STAC: variants seen among roughly 807,000 people sequenced by gnomAD.
STAC encodes SH3 and cysteine rich domain.
In STAC, 43 loss-of-function variants were observed where a neutral mutation model predicts 48.8. The ratio of observed to expected loss-of-function variants is 0.88; its 90% CI spans 0.69 to 1.14. The LOEUF is 1.14. Ranked by LOEUF, STAC falls within the 50% of genes most tolerant of loss-of-function variation. The probability of loss-of-function intolerance (pLI) is 0.00; values close to 1 mark genes in which losing one functional copy is unlikely to be tolerated. For missense variants in STAC, 497 were observed against 504.0 expected (o/e 0.99, Z 0.13); for synonymous variants, 193 against 179.5 (o/e 1.07, Z -0.60).
At chr3:36,412,758 G>T (rs1700225490) in intron 1 of STAC, among the ~76,000 whole-genome samples, 1 of 152,112 alleles carries the variant, frequency 6.6e-6, no homozygotes, top group Non-Finnish European at 1.5e-5. Flanking sequence ...CAATTCCATT[G>T]ATATATATGG....
At chr3:36,446,617 C>T (rs932512432) in intron 2 of STAC, among the ~76,000 whole-genome samples, 3 of 152,192 alleles carry the variant, frequency 2.0e-5, no homozygotes, top group South Asian at 2.1e-4. Context: ...ATCTGCATCT[C>T]ACTGAAATTT....
intron 1 of STAC, among the ~76,000 whole-genome samples, chr3:36,404,908 ATTCT>A (rs1342333321): frequency 1.3e-5 from 2 of 152,146 alleles, no homozygotes; most frequent in African/African-American, 2.4e-5. Flanking sequence ...GCTATTATAT[ATTCT>A]TTATTATAAA....
At chr3:36,414,550 A>T (rs984568963) in intron 1 of STAC, among the ~76,000 whole-genome samples, 1 of 151,926 alleles carries the variant, frequency 6.6e-6, no homozygotes, top group African/African-American at 2.4e-5. Flanking sequence ...ACTCCTCTGC[A>T]TTGGTTATTC....
chr3:36,470,369 G>A (rs1043523736), intron 2 of STAC, among the ~76,000 whole-genome samples: 2 of 152,228 alleles, frequency 1.3e-5, no homozygotes, highest in African/African-American at 4.8e-5. Context: ...GAGCTACCAG[G>A]CTCCAAGCTG....
At chr3:36,542,002 G>A (rs1314578313) in intron 10 of STAC, among the ~76,000 whole-genome samples, 1 of 151,840 alleles carries the variant, frequency 6.6e-6, no homozygotes, top group Non-Finnish European at 1.5e-5. Flanking sequence ...GAGGGAGGAA[G>A]GATGGAGAGA....
At chr3:36,488,388 CCT>C (rs1697873114) in intron 5 of STAC, among the ~76,000 whole-genome samples, 1 of 152,176 alleles carries the variant, frequency 6.6e-6, no homozygotes, top group South Asian at 2.1e-4. Flanking sequence ...GTTAGAAACC[CCT>C]GACTTACTCG....
At chr3:36,432,384 T>C (rs1011150125) in intron 1 of STAC, among the ~76,000 whole-genome samples, 2 of 152,156 alleles carry the variant, frequency 1.3e-5, no homozygotes, top group Admixed American at 6.5e-5. Context: ...CTCCTCTATC[T>C]CTGCACACAA....
In STAC at chr3:36,443,212, T is replaced by C; in HGVS notation, c.112-152T>C. 1.1e-6 allele frequency: 1 copy of C among 884,250 alleles called. No homozygotes were observed. Among genetic ancestry groups the C allele is most frequent in the Non-Finnish European group, 1.7e-6 (1 of 588,616 alleles). The allele number at this position is 884,250 out of a possible 1,614,324, so 54.8% of individuals were successfully genotyped here. ...ATTCCCTCTTTACTAGGCACTGCCA[T>C]CACCCCACCCACACAGGGACATTTA... is the stretch of plus-strand genomic sequence containing the variant. On this transcript the variant is annotated intron_variant, in intron 1 of 10. Transcript: ENST00000273183. This position sits in a 1 kb window ranked among gnomAD's most constrained non-coding sequence, Gnocchi z 4.2.
intron 2 of STAC, among the ~76,000 whole-genome samples, chr3:36,476,027 G>A (rs963520335): frequency 6.6e-6 from 1 of 152,230 alleles, no homozygotes; most frequent in Non-Finnish European, 1.5e-5. Context: ...TGAACCTGGT[G>A]GTCATGCAGG....
intron 10 of STAC, among the ~76,000 whole-genome samples, chr3:36,531,719 C>A (rs1699070325): frequency 6.6e-6 from 1 of 152,084 alleles, no homozygotes; most frequent in Admixed American, 6.6e-5. Context: ...TGGCCCGATT[C>A]CCTCCCAGAA....
At chr3:36,404,625 T>C (rs1339041013) in intron 1 of STAC, among the ~76,000 whole-genome samples, 1 of 152,186 alleles carries the variant, frequency 6.6e-6, no homozygotes, top group African/African-American at 2.4e-5. Context: ...TACAATATAC[T>C]ATATCCCACA....
chr3:36,391,544 C>CAGCTGTCACCCCGTTTT (rs1454684492), intron 1 of STAC, among the ~76,000 whole-genome samples: 1 of 152,168 alleles, frequency 6.6e-6, no homozygotes, highest in Non-Finnish European at 1.5e-5. Flanking sequence ...ATTCTTGATT[C>CAGCTGTCACCCCGTTTT]AGCTGTCACC....
At chr3:36,486,111 A>G (rs754866805) in intron 4 of STAC, 23 bp from the exon 5 acceptor site, 13 of 1,595,548 alleles carry the variant, frequency 8.1e-6, no homozygotes, top group Non-Finnish European at 1.1e-5. Flanking sequence ...GCTTCCTCAG[A>G]TGAACTTTCT....
chr3:36,485,484 T>C (rs1697780369), intron 4 of STAC, among the ~76,000 whole-genome samples: 1 of 152,224 alleles, frequency 6.6e-6, no homozygotes, highest in Non-Finnish European at 1.5e-5. Context: ...AAAAAATAAA[T>C]ATAGGTTATT....
At chr3:36,383,180 T>C (rs909712846) in intron 1 of STAC, among the ~76,000 whole-genome samples, 1 of 152,318 alleles carries the variant, frequency 6.6e-6, no homozygotes, top group Non-Finnish European at 1.5e-5. Flanking sequence ...TGTTTATATA[T>C]TTACATAGTT....
chr3:36,413,766 G>C (rs1388395073), intron 1 of STAC, among the ~76,000 whole-genome samples: 2 of 152,172 alleles, frequency 1.3e-5, no homozygotes, highest in African/African-American at 4.8e-5. Flanking sequence ...TTTCTTCCTA[G>C]CATCAATAGT....
At chr3:36,436,559 A>G (rs73065721) in intron 1 of STAC, among the ~76,000 whole-genome samples, 3,550 of 152,264 alleles carry the variant, frequency 0.023, 60 homozygotes, top group East Asian at 0.026. Context: ...ACTGCCCACA[A>G]TGCTCTTCTC....
intron 8 of STAC, among the ~76,000 whole-genome samples, chr3:36,522,846 C>T (rs959824709): frequency 5.9e-5 from 9 of 152,060 alleles, no homozygotes; most frequent in Non-Finnish European, 1.0e-4. Flanking sequence ...CTGGGCTGGG[C>T]GGGGGATGCC....
chr3:36,473,300 G>A lies in STAC; in HGVS notation c.389-9692G>A, dbSNP rs984129841. Among the ~76,000 whole-genome samples, 5 of 152,172 alleles carry A rather than the reference G, an allele frequency of 3.3e-5. No individual in the cohort carries two copies. In the East Asian group the frequency reaches 7.7e-4, roughly 23 times the overall value. The stretch of plus-strand genomic sequence containing the variant: ...AAGTTGAGATTTGGGTGGGGGCACA[G>A]GCAAACCATATAGCCTGTGCTTTAT... On this transcript the variant is annotated intron_variant, in intron 2 of 10. Coordinates refer to ENST00000273183, the MANE Select transcript of STAC (RefSeq NM_003149.3).
Sources: gnomAD v4.1 joint callset for allele counts (sites outside exome capture counted in the v4.1 genomes callset) on GRCh38, gnomAD v4.1.1 for gene constraint, Gnocchi (gnomAD v3.1) non-coding constraint, MANE v1.5 for transcripts, NCBI Gene and HGNC (gene_info 2026-07-23, HGNC 2026-07-21) for gene names.